The following MCCC1 variants were observed in gnomAD, a reference collection of about 807,000 sequenced individuals.
MCCC1 encodes the protein methylcrotonyl-CoA carboxylase subunit 1.
In MCCC1, 64 loss-of-function variants were observed where a neutral mutation model predicts 83.8. The ratio of observed to expected loss-of-function variants is 0.76; its 90% CI spans 0.62 to 0.94. The LOEUF (loss-of-function observed/expected upper bound fraction) is 0.94, where lower values mean the gene tolerates loss of function less well. Ranked by LOEUF, MCCC1 falls within the 40% of genes least tolerant of loss-of-function variation. The probability of loss-of-function intolerance (pLI) is 0.00; values close to 1 mark genes in which losing one functional copy is unlikely to be tolerated. For missense variants in MCCC1, 807 were observed against 904.7 expected (o/e 0.89, Z 1.39); for synonymous variants, 322 against 315.4 (o/e 1.02, Z -0.22).
intron 11 of MCCC1, among the ~76,000 whole-genome samples, chr3:183,040,556 C>CAAAAAAAAA (rs59767617): frequency 6.2e-5 from 7 of 112,574 alleles, no homozygotes; most frequent in African/African-American, 1.4e-4. Flanking sequence ...ACTAAAAATA[C>CAAAAAAAAA]AAAAAAAAAA....
At chr3:183,072,013 C>CA (rs1163745133) in intron 5 of MCCC1, among the ~76,000 whole-genome samples, 1 of 151,736 alleles carries the variant, frequency 6.6e-6, no homozygotes, top group Non-Finnish European at 1.5e-5. Flanking sequence ...GACCCACAGG[C>CA]ACGTGCCACC....
chr3:183,060,200 G>A (rs1237348973), intron 7 of MCCC1, among the ~76,000 whole-genome samples: 4 of 152,056 alleles, frequency 2.6e-5, no homozygotes, highest in Non-Finnish European at 5.9e-5. Flanking sequence ...GTTTGGGAAA[G>A]TTCTATTTAT....
chr3:183,015,675 T>C lies in MCCC1; in HGVS notation c.2050-109A>G, dbSNP rs1412703106. On this transcript the variant is annotated intron_variant, in intron 18 of 18. Coordinates refer to ENST00000265594, the MANE Select transcript of MCCC1 (RefSeq NM_020166.5). ...AAATGAAAACTGTAGCCAACTTTGA[T>C]GTTTTGTCATCTCTCGGTGCTTTCC... is the stretch of plus-strand genomic sequence containing the variant. 3.0e-6 allele frequency: 4 copies of C among 1,329,092 alleles called. No homozygotes were observed. The Admixed American group carries it at 6.7e-5, about 22-fold the overall frequency. The allele number at this position is 1,329,092 out of a possible 1,614,324, so 82.3% of individuals were successfully genotyped here.
rs537365135 is a variant in MCCC1, at chr3:183,017,029, A to G, written c.2049+237T>C. ...TCAGTTGGATTATCGCCTGATTCCA[A>G]GCTATTGATAATTTCATTAATTTCA... On this transcript the variant is annotated intron_variant, in intron 18 of 18. Transcript: ENST00000265594. 1.4e-3 allele frequency: 767 copies of G among 553,938 alleles called. 2 individuals carry two copies. The highest frequency in any genetic ancestry group is 0.013 in the African/African-American group (691 of 52,976). The allele number at this position is 553,938 out of a possible 1,614,324, so 34.3% of individuals were successfully genotyped here.
At chr3:183,023,983 G>T (rs1712371243) in intron 15 of MCCC1, among the ~76,000 whole-genome samples, 1 of 152,196 alleles carries the variant, frequency 6.6e-6, no homozygotes, top group Non-Finnish European at 1.5e-5. Context: ...AGGCGTGGTG[G>T]CTCACGCCTA....
At chr3:183,101,799 G>A (rs1050770361), upstream of MCCC1, among the ~76,000 whole-genome samples, 25 of 152,190 alleles carry the variant, frequency 1.6e-4, no homozygotes, top group African/African-American at 6.0e-4. Context: ...TTTATGAGCT[G>A]TAACACTTAT....
intron 9 of MCCC1, among the ~76,000 whole-genome samples, chr3:183,047,212 C>T (rs921356671): frequency 1.3e-5 from 2 of 152,162 alleles, no homozygotes; most frequent in Admixed American, 1.3e-4. Flanking sequence ...GAGAAATACC[C>T]AACTCCAGCC....
At chr3:183,109,386 T>C (rs1335441135) in intron 1 of MCCC1, among the ~76,000 whole-genome samples, 1 of 152,212 alleles carries the variant, frequency 6.6e-6, no homozygotes, top group Admixed American at 6.5e-5. Flanking sequence ...CTGATAGTTC[T>C]TCAACTATTG....
At chr3:183,092,348 G>A (rs1045127782) in intron 3 of MCCC1, 61 bp downstream of exon 3, 35 of 1,608,450 alleles carry the variant, frequency 2.2e-5, no homozygotes, top group African/African-American at 1.6e-4. Flanking sequence ...CATAAAGAAC[G>A]AAAATACTGA....
At chr3:183,076,927 C>T (rs1377198050) in intron 4 of MCCC1, among the ~76,000 whole-genome samples, 2 of 152,176 alleles carry the variant, frequency 1.3e-5, no homozygotes, top group African/African-American at 4.8e-5. Context: ...AACTGTGAAT[C>T]TACTGTCTCT....
At chr3:183,049,183 A>G (rs897123185) in intron 9 of MCCC1, among the ~76,000 whole-genome samples, 12 of 152,208 alleles carry the variant, frequency 7.9e-5, no homozygotes, top group Admixed American at 3.3e-4. Context: ...TTAATTAATG[A>G]GAAGAGAACA....
At chr3:183,079,538 G>A (rs1717333904) in intron 4 of MCCC1, among the ~76,000 whole-genome samples, 1 of 152,218 alleles carries the variant, frequency 6.6e-6, no homozygotes, top group Non-Finnish European at 1.5e-5. Context: ...TTGTGGCTTT[G>A]CAGGGTATAG....
Position 183,060,940 on chromosome 3 carries a change from T to G in MCCC1, c.762-3518A>C, listed in dbSNP as rs570393820. Among the ~76,000 whole-genome samples the G allele has an allele frequency of 8.3e-4, 127 of 152,244 alleles. 3 individuals are homozygous for G. In the South Asian group the frequency reaches 0.025, roughly 29 times the overall value. On this transcript the variant is annotated intron_variant, in intron 7 of 18. Transcript: ENST00000265594. ...TTATGGCTGCGAGCATCTATTAATA[T>G]TACGTAGGAGGCTCCCAACTAGTGC...
At chr3:183,039,181 G>A (rs1713868139) in intron 11 of MCCC1, 46 bp from the exon 12 acceptor site, 44 of 1,539,428 alleles carry the variant, frequency 2.9e-5, no homozygotes, top group Non-Finnish European at 4.0e-5. Flanking sequence ...AAACACGAAG[G>A]AATAAAATAC....
At position 183,015,363 on chromosome 3, in the gene MCCC1, A is replaced by G. The variant is rs1458921546; in HGVS notation, c.*75T>C. 1.9e-6 allele frequency: 3 copies of G among 1,541,892 alleles called. No homozygotes were observed. Among genetic ancestry groups the G allele is most frequent in the Non-Finnish European group, 1.8e-6 (2 of 1,115,110 alleles). ...TAAAACTGCTCTTTATGAGACCCCCAGAAAAGCTGGAGGCACTTCCTCTTT... is the reference window on the plus strand; with the variant it reads ...TAAAACTGCTCTTTATGAGACCCCCGGAAAAGCTGGAGGCACTTCCTCTTT... On this transcript the variant is annotated 3_prime_UTR_variant, in exon 19 of 19. Coordinates refer to ENST00000265594, the MANE Select transcript of MCCC1 (RefSeq NM_020166.5).
rs986548652 is a variant in MCCC1 at position 183,063,147 on chromosome 3, C to G, written c.762-5725G>C. 2.6e-4 allele frequency among the ~76,000 whole-genome samples: 39 copies of G among 149,448 alleles called. 2 individuals carry two copies. Among genetic ancestry groups the G allele is most frequent in the Admixed American group, 2.4e-3 (35 of 14,834 alleles). ...TACAGGCGTCCACCACCACACCTGGCTAATTTTTTGTATTTTTAGTAGAGA... is the reference window on the plus strand; with the variant it reads ...TACAGGCGTCCACCACCACACCTGGGTAATTTTTTGTATTTTTAGTAGAGA... On this transcript the variant is annotated intron_variant, in intron 7 of 18. Coordinates refer to ENST00000265594, the MANE Select transcript of MCCC1 (RefSeq NM_020166.5).
chr3:183,082,951 C>G lies in MCCC1; in HGVS notation c.369+3742G>C, dbSNP rs557274686. Among the ~76,000 whole-genome samples the G allele has an allele frequency of 5.3e-5, 8 of 152,114 alleles. No individual in the cohort carries two copies. In the East Asian group the frequency reaches 1.5e-3, roughly 29 times the overall value. On this transcript the variant is annotated intron_variant, in intron 4 of 18. Coordinates refer to ENST00000265594, the MANE Select transcript of MCCC1 (RefSeq NM_020166.5). The stretch of plus-strand genomic sequence containing the variant: ...GCTGCAGTGAGCCATGATCATACCA[C>G]TGCACTCCAGCCTGGGAGACAGAGT...
chr3:183,061,771 T>G (rs1485005679), intron 7 of MCCC1, among the ~76,000 whole-genome samples: 1 of 152,262 alleles, frequency 6.6e-6, no homozygotes, highest in African/African-American at 2.4e-5. Context: ...TTTTTGGATA[T>G]GACTGATAAC....
chr3:183,021,846 C>T (rs776848954), intron 16 of MCCC1, among the ~76,000 whole-genome samples: 15 of 152,314 alleles, frequency 9.8e-5, no homozygotes, highest in Non-Finnish European at 2.2e-4. Context: ...AATGCATTAT[C>T]CTCTTTCTGC....
Sources: allele counts gnomAD v4.1 joint callset (sites outside exome capture counted in the v4.1 genomes callset), GRCh38; gene constraint gnomAD v4.1.1; transcripts MANE v1.5; gene names NCBI Gene and HGNC (gene_info 2026-07-23, HGNC 2026-07-21).